CALD1: variants seen among roughly 807,000 people sequenced by gnomAD.
The protein encoded by CALD1 is caldesmon.
CALD1 carries 33 observed loss-of-function variants against 99.9 expected under a neutral mutation model. That is an observed-to-expected ratio of 0.33 (90% CI 0.25 to 0.44). The LOEUF is 0.44. Among genes scored for constraint, CALD1 ranks in the 20% least tolerant of loss-of-function variants. The probability of loss-of-function intolerance (pLI) is 1.00; values close to 1 mark genes in which losing one functional copy is unlikely to be tolerated. For synonymous variants in CALD1, 310 were observed against 325.0 expected (o/e 0.95, Z 0.50); for missense variants, 861 against 962.1 (o/e 0.89, Z 1.39).
intron 1 of CALD1, among the ~76,000 whole-genome samples, chr7:134,837,445 C>A (rs528778147): frequency 6.6e-6 from 1 of 151,958 alleles, no homozygotes; most frequent in East Asian, 1.9e-4. Context: ...TGGGTTCATG[C>A]GATTCTCCTG....
At chr7:134,925,936 T>C in intron 3 of CALD1, among the ~76,000 whole-genome samples, 1 of 152,308 alleles carries the variant, frequency 6.6e-6, no homozygotes, top group Non-Finnish European at 1.5e-5. Flanking sequence ...GAAGCAGTTA[T>C]TAAGGATTGA....
intron 1 of CALD1, among the ~76,000 whole-genome samples, chr7:134,805,021 C>T (rs1017318912): frequency 2.0e-5 from 3 of 152,090 alleles, no homozygotes; most frequent in African/African-American, 4.8e-5. Context: ...TTGGTCGGGT[C>T]GGAGATGAAA....
At chr7:134,940,752 C>A (rs1407024936) in intron 6 of CALD1, among the ~76,000 whole-genome samples, 1 of 152,208 alleles carries the variant, frequency 6.6e-6, no homozygotes, top group Admixed American at 6.5e-5. Flanking sequence ...AATAATTGCT[C>A]TTCCCAGTGG....
chr7:134,964,548 TGCCCCTGGGCAG>T (rs1202338409), intron 13 of CALD1, among the ~76,000 whole-genome samples: 4 of 152,158 alleles, frequency 2.6e-5, no homozygotes, highest in Non-Finnish European at 5.9e-5. Context: ...CTTTCCAGCC[TGCCCCTGGGCAG>T]GCAAATCAGG....
upstream of CALD1, among the ~76,000 whole-genome samples, chr7:134,777,335 T>C (rs993190117): frequency 1.3e-5 from 2 of 152,228 alleles, no homozygotes; most frequent in African/African-American, 4.8e-5. Context: ...TGGTCACTCA[T>C]CTACTATACC....
At chr7:134,802,344 G>T (rs891548743) in intron 1 of CALD1, among the ~76,000 whole-genome samples, 2 of 151,904 alleles carry the variant, frequency 1.3e-5, no homozygotes, top group African/African-American at 4.8e-5. Context: ...TTTTTTATCT[G>T]GTCTGTTTTG....
At chr7:134,717,759 T>C in the CALD1 span, among the ~76,000 whole-genome samples, 4 of 152,248 alleles carry the variant, frequency 2.6e-5, no homozygotes, top group Non-Finnish European at 5.9e-5. Context: ...AATGGATTGG[T>C]AAACATTTTC....
chr7:134,881,945 G>A (rs987991965), intron 3 of CALD1, among the ~76,000 whole-genome samples: 1 of 152,162 alleles, frequency 6.6e-6, no homozygotes, highest in Non-Finnish European at 1.5e-5. Context: ...CTGTGCTTAC[G>A]AGGAGAACCC....
rs1344832984 is a variant in CALD1 at position 134,875,910 on chromosome 7, G to C, written c.71+8106G>C. On this transcript the variant is annotated intron_variant, in intron 3 of 14. Coordinates refer to ENST00000361675, the MANE Select transcript of CALD1 (RefSeq NM_033138.4). Reference sequence around the variant, plus strand: ...ATCGAGTTTCCCTGCTTAAGGCAAAGAAGGCTGTTGATATGACTATTCTTG... The same window carrying C: ...ATCGAGTTTCCCTGCTTAAGGCAAACAAGGCTGTTGATATGACTATTCTTG... 2.0e-5 allele frequency among the ~76,000 whole-genome samples: 3 copies of C among 152,208 alleles called. No individual in the cohort carries two copies. In the East Asian group the frequency reaches 5.8e-4, roughly 29 times the overall value.
At chr7:134,816,742 T>C (rs1166327723) in intron 1 of CALD1, among the ~76,000 whole-genome samples, 2 of 152,156 alleles carry the variant, frequency 1.3e-5, no homozygotes, top group Non-Finnish European at 2.9e-5. Flanking sequence ...AGGATCAATG[T>C]ATTCAAATAG....
intron 2 of CALD1, among the ~76,000 whole-genome samples, chr7:134,856,290 T>C (rs1419310547): frequency 6.6e-6 from 1 of 152,148 alleles, no homozygotes; most frequent in Non-Finnish European, 1.5e-5. Context: ...GGAATGCCCA[T>C]GGCAACCTCA....
intron 1 of CALD1, among the ~76,000 whole-genome samples, chr7:134,755,704 C>G (rs771819309): frequency 6.9e-5 from 10 of 144,706 alleles, no homozygotes; most frequent in African/African-American, 2.4e-4. Flanking sequence ...TATCCTTACT[C>G]TGTCTCTTGT....
At chr7:134,778,481 T>C (rs1048515557), upstream of CALD1, among the ~76,000 whole-genome samples, 1 of 152,160 alleles carries the variant, frequency 6.6e-6, no homozygotes, top group Non-Finnish European at 1.5e-5. Context: ...CATATAACAA[T>C]GAGACATAGA....
At chr7:134,820,357 A>G (rs1487100572) in intron 1 of CALD1, among the ~76,000 whole-genome samples, 2 of 152,214 alleles carry the variant, frequency 1.3e-5, no homozygotes, top group East Asian at 3.8e-4. Context: ...ATGTTGTCAA[A>G]AAGGTGAAAA....
chr7:134,769,025 A>T (rs1309790746), intron 1 of CALD1, among the ~76,000 whole-genome samples: 1 of 151,684 alleles, frequency 6.6e-6, no homozygotes, highest in African/African-American at 2.4e-5. Context: ...GCTATTATGT[A>T]TAATACCCCA....
chr7:134,870,090 T>C (rs1800996355), intron 3 of CALD1, among the ~76,000 whole-genome samples: 2 of 152,204 alleles, frequency 1.3e-5, no homozygotes, highest in African/African-American at 4.8e-5. Flanking sequence ...TATTAAGCAC[T>C]AACCAGGTTT....
chr7:134,955,410 T>A (rs1807688925), intron 9 of CALD1, among the ~76,000 whole-genome samples: 1 of 152,104 alleles, frequency 6.6e-6, no homozygotes, highest in Non-Finnish European at 1.5e-5. Flanking sequence ...AAAAAGACCT[T>A]GTCTATCTTA....
At chr7:134,785,127 A>C (rs547051884) in intron 1 of CALD1, among the ~76,000 whole-genome samples, 1 of 152,350 alleles carries the variant, frequency 6.6e-6, no homozygotes, top group South Asian at 2.1e-4. Context: ...AATGTCCAAC[A>C]GCTCTCAATG....
intron 1 of CALD1, among the ~76,000 whole-genome samples, chr7:134,800,794 C>G (rs17799652): frequency 0.27 from 40,272 of 151,766 alleles, 6,579 homozygotes; most frequent in East Asian, 0.65. Flanking sequence ...TTTAAAAATA[C>G]TTGCTTAATA....
Sources: gnomAD v4.1 joint callset for allele counts (sites outside exome capture counted in the v4.1 genomes callset) on GRCh38, gnomAD v4.1.1 for gene constraint, MANE v1.5 for transcripts, NCBI Gene and HGNC (gene_info 2026-07-23, HGNC 2026-07-21) for gene names.